Variants in ENOX2 observed in about 807,000 individuals in gnomAD.
The protein encoded by ENOX2 is APK1 antigen.
A neutral mutation model predicts 45.0 loss-of-function variants in ENOX2; 36 were observed. The observed-to-expected ratio is 0.80, with a 90% CI of 0.61 to 1.06. The LOEUF (loss-of-function observed/expected upper bound fraction) is 1.06, where lower values mean the gene tolerates loss of function less well. Among genes scored for constraint, ENOX2 ranks in the 50% least tolerant of loss-of-function variants. The pLI, the probability that ENOX2 is intolerant of heterozygous loss-of-function variation, is 0.00. For synonymous variants in ENOX2, 174 were observed against 152.3 expected (o/e 1.14, Z -1.05); for missense variants, 423 against 462.5 (o/e 0.91, Z 0.78).
At position 130,667,583 on chromosome X, in the gene ENOX2, A is replaced by G. The variant is rs368744008; in HGVS notation, c.854T>C (p.Met285Thr). Residue 285 changes from methionine (M) to threonine (T), a missense_variant, in exon 8 of 15, where the codon ATG becomes ACG. Around this residue, in one of 5 missense-constraint regions of ENOX2, gnomAD observed 261 missense variants for 306.8 expected, o/e 0.85. Transcript: ENST00000394363. ...VNEKAAHEKD[M>T]EEAKEKFKQA... ...CTTGAACTTCTCCTTTGCTTCTTCC[A>G]TATCTTTCTCATGGGCAGCTTTCTC... is the stretch of plus-strand genomic sequence containing the variant. The G allele has an allele frequency of 5.0e-6, 6 of 1,209,682 alleles. No individual in the cohort carries two copies. Among genetic ancestry groups the G allele is most frequent in the African/African-American group, 1.8e-5 (1 of 57,019 alleles).
rs551646766 is a variant in ENOX2, at chrX:130,887,441, G to A, written c.-183+14243C>T. 6.1e-4 allele frequency among the ~76,000 whole-genome samples: 65 copies of A among 106,224 alleles called. No individual in the cohort carries two copies. The South Asian group carries it at 7.5e-3, about 12-fold the overall frequency. The allele number at this position is 106,224 out of a possible 115,157, so 92.2% of individuals were successfully genotyped here. On this transcript the variant is annotated intron_variant, in intron 2 of 14. Coordinates refer to ENST00000394363, the MANE Select transcript of ENOX2 (RefSeq NM_006375.4). ...GCTTCTGTTTAGCTCAGCTCCAGCC[G>A]AGCAACTGAGCTTCAGCAACGGAGC... is the stretch of plus-strand genomic sequence containing the variant.
At chrX:130,639,312 G>T (rs925098119) in intron 10 of ENOX2, among the ~76,000 whole-genome samples, 11 of 110,710 alleles carry the variant, frequency 9.9e-5, no homozygotes, top group Admixed American at 5.7e-4. Context: ...TCCCACCAAA[G>T]GTGTGTGTGT....
intron 3 of ENOX2, among the ~76,000 whole-genome samples, chrX:130,733,833 T>C (rs1413907391): frequency 8.9e-6 from 1 of 112,369 alleles, no homozygotes; most frequent in Admixed American, 9.4e-5. Context: ...GTCTTCACTA[T>C]ATCCATGTCA....
At chrX:130,848,100 T>C (rs2078143797) in intron 2 of ENOX2, among the ~76,000 whole-genome samples, 1 of 112,002 alleles carries the variant, frequency 8.9e-6, no homozygotes, top group African/African-American at 3.2e-5. Flanking sequence ...TGGCGCGATC[T>C]CGGCTCACTG....
intron 2 of ENOX2, among the ~76,000 whole-genome samples, chrX:130,865,697 A>C (rs904947603): frequency 8.9e-6 from 1 of 111,863 alleles, no homozygotes; most frequent in Admixed American, 9.5e-5. Flanking sequence ...GTTATACATT[A>C]AATCTTCTAT....
intron 14 of ENOX2, among the ~76,000 whole-genome samples, chrX:130,626,285 T>A (rs2035545105): frequency 1.8e-5 from 2 of 112,136 alleles, no homozygotes; most frequent in South Asian, 7.4e-4. Context: ...GTAGACTGTA[T>A]CCAGTCAAGT....
At chrX:130,731,653 T>TCACA (rs201222254) in intron 3 of ENOX2, among the ~76,000 whole-genome samples, 4,720 of 111,940 alleles carry the variant, frequency 0.042, 125 homozygotes, top group African/African-American at 0.094. Context: ...ATTAAAAAGA[T>TCACA]CACACATCAT....
chrX:130,755,576 C>A (rs750695610), intron 3 of ENOX2, among the ~76,000 whole-genome samples: 1 of 110,238 alleles, frequency 9.1e-6, no homozygotes, highest in South Asian at 3.9e-4. Flanking sequence ...CATGGGGTCA[C>A]ATGTTTTTTT....
chrX:130,839,850 T>A (rs1419435400), intron 2 of ENOX2, among the ~76,000 whole-genome samples: 1 of 112,130 alleles, frequency 8.9e-6, no homozygotes, highest in Non-Finnish European at 1.9e-5. Flanking sequence ...TAAATATGTT[T>A]AAAATTTTTG....
chrX:130,865,285 T>C (rs2078477941), intron 2 of ENOX2, among the ~76,000 whole-genome samples: 1 of 111,255 alleles, frequency 9.0e-6, no homozygotes, highest in East Asian at 2.8e-4. Flanking sequence ...GACTAGAAGG[T>C]AAGGCTACCA....
chrX:130,747,879 C>T (rs913984822), intron 3 of ENOX2, among the ~76,000 whole-genome samples: 6 of 112,376 alleles, frequency 5.3e-5, no homozygotes, highest in African/African-American at 1.9e-4. Context: ...ATTCATTCAA[C>T]ATGTGGAGGC....
intron 3 of ENOX2, among the ~76,000 whole-genome samples, chrX:130,755,837 A>G (rs1000908064): frequency 9.1e-6 from 1 of 109,965 alleles, no homozygotes; most frequent in Non-Finnish European, 1.9e-5. Context: ...CATTCTTTCT[A>G]TTTTTTTGTA....
In ENOX2 at chrX:130,788,919, C is replaced by T. The variant is rs773325669; in HGVS notation, c.-182-5229G>A. Among the ~76,000 whole-genome samples, 17 of 112,145 alleles carry T rather than the reference C, an allele frequency of 1.5e-4. No individual in the cohort carries two copies. In the South Asian group the frequency reaches 5.6e-3, roughly 37 times the overall value. ...TATCTCATGTTCACAATAAACAAATCCATGTGGTAACGTAATCTCATCTAA... is the reference window on the plus strand; with the variant it reads ...TATCTCATGTTCACAATAAACAAATTCATGTGGTAACGTAATCTCATCTAA... On this transcript the variant is annotated intron_variant, in intron 2 of 14. Coordinates refer to ENST00000394363, the MANE Select transcript of ENOX2 (RefSeq NM_006375.4).
chrX:130,717,778 C>T (rs1045054109), intron 3 of ENOX2, among the ~76,000 whole-genome samples: 3 of 111,329 alleles, frequency 2.7e-5, no homozygotes, highest in Non-Finnish European at 5.7e-5. Flanking sequence ...ATTTGTATGC[C>T]CAACATGCAG....
intron 2 of ENOX2, among the ~76,000 whole-genome samples, chrX:130,897,564 C>G (rs999579756): frequency 8.9e-6 from 1 of 112,011 alleles, no homozygotes; most frequent in East Asian, 2.8e-4. Flanking sequence ...TATTTTTGCT[C>G]TGAGAATTAA....
chrX:130,702,414 G>C (rs2037921465), intron 4 of ENOX2, among the ~76,000 whole-genome samples: 1 of 111,269 alleles, frequency 9.0e-6, no homozygotes, highest in Non-Finnish European at 1.9e-5. Context: ...AATTGAATCT[G>C]GGGAGATTAA....
intron 2 of ENOX2, among the ~76,000 whole-genome samples, chrX:130,819,991 A>G (rs1422003086): frequency 8.9e-6 from 1 of 112,400 alleles, no homozygotes; most frequent in African/African-American, 3.2e-5. Flanking sequence ...CAATCTAAAA[A>G]GCTTCTGCAT....
At chrX:130,647,269 C>G (rs763098219) in intron 10 of ENOX2, among the ~76,000 whole-genome samples, 19 of 112,643 alleles carry the variant, frequency 1.7e-4, no homozygotes, top group African/African-American at 6.1e-4. Flanking sequence ...GAGGCAATTC[C>G]TAAACAGAGA....
At chrX:130,788,128 T>C (rs2076995093) in intron 2 of ENOX2, among the ~76,000 whole-genome samples, 1 of 112,335 alleles carries the variant, frequency 8.9e-6, no homozygotes, top group Admixed American at 9.5e-5. Flanking sequence ...CCAGGTCAAA[T>C]GCTATTTTAA....
Sources: allele counts gnomAD v4.1 joint callset (sites outside exome capture counted in the v4.1 genomes callset), GRCh38; gene constraint gnomAD v4.1.1; regional missense constraint gnomAD v4.1.1; transcripts MANE v1.5; gene names NCBI Gene and HGNC (gene_info 2026-07-23, HGNC 2026-07-21).